NASP: variants seen among roughly 807,000 people sequenced by gnomAD.
The protein encoded by NASP is NASP histone chaperone.
Under a neutral mutation model 89.5 loss-of-function variants are expected in NASP, and 24 were observed. The ratio of observed to expected loss-of-function variants is 0.27; its 90% CI spans 0.19 to 0.38. NASP has a LOEUF of 0.38. Ranked by LOEUF, NASP falls within the 10% of genes least tolerant of loss-of-function variation. The probability of loss-of-function intolerance (pLI) is 1.00; values close to 1 mark genes in which losing one functional copy is unlikely to be tolerated. For synonymous variants in NASP, 306 were observed against 324.7 expected, an observed-to-expected ratio of 0.94 and a Z score of 0.62; for missense variants, 848 against 921.4, an observed-to-expected ratio of 0.92 and a Z score of 1.03.
intron 13 of NASP, 78 bp from the exon 14 acceptor site, chr1:45,617,385 G>C: frequency 6.6e-7 from 1 of 1,508,748 alleles, no homozygotes. Flanking sequence ...TGCACCACAA[G>C]GGTTAAGGAA....
In NASP at chr1:45,608,315, A is replaced by G; in HGVS notation, c.1404A>G (p.Glu468=). ...IAANEETQER[E]EQMKEGEETE... is the part of the protein sequence containing the mutation. ...CTAATGAAGAGACACAAGAGAGAGA[A>G]GAACAGATGAAAGAGGGTGAAGGTA... The change falls in exon 6 of 15, where the codon GAA becomes GAG. Residue 468 remains glutamate, a synonymous_variant. Transcript: ENST00000350030. 3 of 1,610,524 alleles carry G rather than the reference A, an allele frequency of 1.9e-6. No homozygotes were observed. Among genetic ancestry groups the G allele is most frequent in the Non-Finnish European group, 2.5e-6 (3 of 1,178,126 alleles).
At chr1:45,605,487 G>C (rs1557659269) in intron 4 of NASP, among the ~76,000 whole-genome samples, 1 of 151,494 alleles carries the variant, frequency 6.6e-6, no homozygotes, top group Non-Finnish European at 1.5e-5. Flanking sequence ...TTTTGAGATG[G>C]AGTCTCAGTC....
At chr1:45,594,323 CAAAAA>C (rs34229497) in intron 2 of NASP, among the ~76,000 whole-genome samples, 3 of 129,556 alleles carry the variant, frequency 2.3e-5, no homozygotes, top group African/African-American at 8.6e-5. Context: ...GCGAAACTCT[CAAAAA>C]AAAAAAACAA....
At chr1:45,616,768 A>G (rs1185853407) in intron 13 of NASP, 65 bp downstream of exon 13, 4 of 1,430,914 alleles carry the variant, frequency 2.8e-6, no homozygotes, top group Non-Finnish European at 3.9e-6. Context: ...TCCCTTTCCT[A>G]TAAACCCCTC....
At position 45,593,549 on chromosome 1, in the gene NASP, A is replaced by C. The variant is rs895305723; in HGVS notation, c.107+2279A>C. Among the ~76,000 whole-genome samples, 11 of 151,588 alleles carry C rather than the reference A, an allele frequency of 7.3e-5. No homozygotes were observed. In the South Asian group the frequency reaches 1.3e-3, roughly 17 times the overall value. On this transcript the variant is annotated intron_variant, in intron 2 of 14. Coordinates refer to ENST00000350030, the MANE Select transcript of NASP (RefSeq NM_002482.4). Reference sequence around the variant, plus strand: ...CTGTCCCCCCCCAAAAAAAAAAAAAAAAAAAACTCCGAGAACAGTTTTATA... The same window carrying C: ...CTGTCCCCCCCCAAAAAAAAAAAAACAAAAAACTCCGAGAACAGTTTTATA...
intron 2 of NASP, among the ~76,000 whole-genome samples, chr1:45,593,537 A>C (rs866995551): frequency 2.5e-4 from 30 of 117,964 alleles, no homozygotes; most frequent in Admixed American, 6.5e-4. Context: ...TCCCCCCCCA[A>C]AAAAAAAAAA....
Position 45,607,816 on chromosome 1 carries a change from C to G in NASP, c.905C>G (p.Pro302Arg). 1 of 1,613,996 alleles carries G rather than the reference C, an allele frequency of 6.2e-7. No homozygotes were observed. ...GAGGTAGAAGCAGAGTCTTTAGACC[C>G]GACAGTCAAGCCAGTGGATGTGGGT... ...AVEVEAESLDPTVKPVDVGGD... is the reference protein window; with the variant it reads ...AVEVEAESLDRTVKPVDVGGD... Residue 302 changes from proline to arginine, a missense_variant, in exon 6 of 15, where the codon CCG becomes CGG. By Grantham distance (103) the Pro-to-Arg change is moderately radical. Coordinates refer to ENST00000350030, the MANE Select transcript of NASP (RefSeq NM_002482.4).
intron 3 of NASP, among the ~76,000 whole-genome samples, chr1:45,603,605 ATTTTTT>A (rs10646791): frequency 5.0e-5 from 6 of 119,054 alleles, no homozygotes; most frequent in African/African-American, 1.6e-4. Flanking sequence ...GTATTTAGAG[ATTTTTT>A]TTTTTTTTTT....
chr1:45,591,448 G>T (rs1440080868), intron 2 of NASP, among the ~76,000 whole-genome samples, 178 bp downstream of exon 2: 1 of 152,134 alleles, frequency 6.6e-6, no homozygotes, highest in Non-Finnish European at 1.5e-5. Flanking sequence ...TGAACTCCTG[G>T]GCTCAAGCAA....
intron 6 of NASP, among the ~76,000 whole-genome samples, chr1:45,608,610 A>G (rs1184996660): frequency 2.0e-5 from 3 of 152,176 alleles, no homozygotes; most frequent in Admixed American, 2.0e-4. Context: ...GCTAGCTATC[A>G]GTAACTTGTT....
At position 45,607,406 on chromosome 1, in the gene NASP, G is replaced by C; in HGVS notation, c.495G>C (p.Leu165Phe). ...CCAAAAAAACAGAAGACAAGTCTTTGGCAAAGCCTGAAACTGATAAAGAAC... is the reference window on the plus strand; with the variant it reads ...CCAAAAAAACAGAAGACAAGTCTTTCGCAAAGCCTGAAACTGATAAAGAAC... ...EEAKKTEDKS[L>F]AKPETDKEQD... Residue 165 changes from leucine to phenylalanine, a missense_variant, in exon 6 of 15, where the codon TTG becomes TTC. Physicochemically the swap from Leu to Phe is conservative, Grantham distance 22. Around this residue, in one of 5 missense-constraint regions of NASP, gnomAD observed 464 missense variants for 469.4 expected, o/e 0.99. Transcript: ENST00000350030. 1 of 1,613,962 alleles carries C rather than the reference G, an allele frequency of 6.2e-7. No homozygotes were observed. The highest frequency in any genetic ancestry group is 8.5e-7 in the Non-Finnish European group (1 of 1,179,966).
intron 1 of NASP, among the ~76,000 whole-genome samples, chr1:45,586,284 G>GTGGTGTGT (rs1202771599): frequency 2.0e-5 from 2 of 100,534 alleles, no homozygotes; most frequent in Admixed American, 1.0e-4. Context: ...GTGTGTGTGT[G>GTGGTGTGT]GTGTGTGTGT....
intron 1 of NASP, chr1:45,588,579 C>T (rs1300022567): frequency 4.5e-6 from 2 of 446,316 alleles, no homozygotes; most frequent in Non-Finnish European, 9.0e-6. Flanking sequence ...TACAATTTCT[C>T]CTTAACCCTA....
rs1643917210 is a variant in NASP at position 45,606,958 on chromosome 1, G to C, written c.410-363G>C. 2.0e-5 allele frequency among the ~76,000 whole-genome samples: 3 copies of C among 152,214 alleles called. 1 individual carries two copies. Among genetic ancestry groups the C allele is most frequent in the Middle Eastern group, 6.8e-3 (2 of 294 alleles). On this transcript the variant is annotated intron_variant, in intron 5 of 14. Transcript: ENST00000350030. ...TTATTTTAATAGCAGTACTTTTAGAGCCCTTGTACATTTTTTATGTGTGCG... is the reference window on the plus strand; with the variant it reads ...TTATTTTAATAGCAGTACTTTTAGACCCCTTGTACATTTTTTATGTGTGCG...
At chr1:45,603,281 A>T (rs576834852) in intron 3 of NASP, among the ~76,000 whole-genome samples, 1 of 152,384 alleles carries the variant, frequency 6.6e-6, no homozygotes, top group Admixed American at 6.5e-5. Context: ...TTCCTCAAAT[A>T]TAGTATTAGC....
At position 45,616,681 on chromosome 1, in the gene NASP, T is replaced by C; in HGVS notation, c.2135T>C (p.Ile712Thr). The change falls in exon 13 of 15, where the codon ATT (isoleucine) becomes ACT (threonine). Residue 712 changes from isoleucine (I) to threonine (T), a missense_variant. Around this residue, in one of 5 missense-constraint regions of NASP, gnomAD observed 218 missense variants for 219.6 expected, o/e 0.99. Transcript: ENST00000350030. ...GASSSNCVTD[I>T]SHLVRKKRKP... The stretch of plus-strand genomic sequence containing the variant: ...TCCTCATCAAATTGTGTGACTGATA[T>C]TTCCCACCTTGTCAGAAAGAAGGTA... 2.5e-6 allele frequency: 4 copies of C among 1,613,996 alleles called. No individual in the cohort carries two copies. Among genetic ancestry groups the C allele is most frequent in the South Asian group, 2.2e-5 (2 of 91,090 alleles).
chr1:45,606,405 G>A (rs1643908893), intron 4 of NASP, 77 bp from the exon 5 acceptor site: 10 of 955,470 alleles, frequency 1.0e-5, no homozygotes, highest in Non-Finnish European at 1.7e-5. Context: ...TTATAATATA[G>A]GACTGTATTT....
intron 2 of NASP, among the ~76,000 whole-genome samples, chr1:45,591,875 C>T (rs952711431): frequency 2.3e-4 from 35 of 152,080 alleles, no homozygotes; most frequent in African/African-American, 7.2e-4. Context: ...AGCTGGAGTT[C>T]AGTGATGTTA....
chr1:45,616,780 C>G (rs1034799666), intron 13 of NASP, 77 bp downstream of exon 13: 41 of 1,345,232 alleles, frequency 3.0e-5, no homozygotes, highest in Middle Eastern at 1.8e-4. Context: ...AAACCCCTCC[C>G]TATAGTTGGT....
Sources: allele counts gnomAD v4.1 joint callset (sites outside exome capture counted in the v4.1 genomes callset), GRCh38; gene constraint gnomAD v4.1.1; regional missense constraint gnomAD v4.1.1; transcripts MANE v1.5; gene names NCBI Gene and HGNC (gene_info 2026-07-23, HGNC 2026-07-21).